Variants in ROBO1 observed in about 807,000 individuals in gnomAD.
ROBO1 encodes the protein roundabout guidance receptor 1, also known as roundabout homolog 1.
Under a neutral mutation model 195.9 loss-of-function variants are expected in ROBO1, and 149 were observed. That is an observed-to-expected ratio of 0.76 (90% CI 0.67 to 0.87). The LOEUF (loss-of-function observed/expected upper bound fraction) is 0.87. Among genes scored for constraint, ROBO1 ranks in the 40% least tolerant of loss-of-function variants. The pLI is 0.00. For synonymous variants in ROBO1, 816 were observed against 733.2 expected (o/e 1.11, Z -1.82); for missense variants, 1,933 against 2,068.3 (o/e 0.93, Z 1.27).
chr3:78,676,017 T>G (rs1479249319), intron 10 of ROBO1, among the ~76,000 whole-genome samples: 1 of 152,006 alleles, frequency 6.6e-6, no homozygotes, highest in Non-Finnish European at 1.5e-5. Flanking sequence ...TCGAGGTTCA[T>G]GAAAATCCAC....
At chr3:78,995,663 G>A (rs1033802983) in intron 3 of ROBO1, among the ~76,000 whole-genome samples, 3 of 29,454 alleles carry the variant, frequency 1.0e-4, no homozygotes, top group Admixed American at 8.5e-4. Flanking sequence ...TGCTTTGGGA[G>A]GCAGAGACCG....
At chr3:78,655,855 G>T (rs562091376) in intron 18 of ROBO1, among the ~76,000 whole-genome samples, 1 of 151,924 alleles carries the variant, frequency 6.6e-6, no homozygotes, top group Non-Finnish European at 1.5e-5. Flanking sequence ...CTAATATTTC[G>T]CTAGTAATAA....
At chr3:79,652,423 A>G (rs954347579) in intron 1 of ROBO1, among the ~76,000 whole-genome samples, 5 of 152,094 alleles carry the variant, frequency 3.3e-5, no homozygotes, top group Admixed American at 6.6e-5. Context: ...TTAGAATATT[A>G]TGGCACCTAG....
intron 3 of ROBO1, among the ~76,000 whole-genome samples, chr3:79,047,998 T>G (rs763622250): frequency 1.3e-5 from 2 of 152,138 alleles, no homozygotes; most frequent in Non-Finnish European, 2.9e-5. Context: ...CTGGAGTCTT[T>G]GGTCTATCCT....
At chr3:78,964,365 C>T (rs2041564273) in intron 3 of ROBO1, among the ~76,000 whole-genome samples, 1 of 152,006 alleles carries the variant, frequency 6.6e-6, no homozygotes, top group Non-Finnish European at 1.5e-5. Flanking sequence ...GTATGGAAAA[C>T]GTGTCTCAAA....
At chr3:79,600,072 A>G (rs965507850) in intron 1 of ROBO1, among the ~76,000 whole-genome samples, 2 of 152,026 alleles carry the variant, frequency 1.3e-5, no homozygotes, top group Non-Finnish European at 2.9e-5. Context: ...CTGTGCTTAC[A>G]CTAGCTCAGT....
intron 3 of ROBO1, among the ~76,000 whole-genome samples, chr3:79,002,290 T>C (rs936021415): frequency 2.6e-5 from 4 of 152,136 alleles, no homozygotes; most frequent in Non-Finnish European, 4.4e-5. Context: ...TCATGGAACC[T>C]ACACCTCTCC....
intron 1 of ROBO1, among the ~76,000 whole-genome samples, chr3:79,609,755 C>G (rs758979247): frequency 6.6e-6 from 1 of 151,312 alleles, no homozygotes; most frequent in Non-Finnish European, 1.5e-5. Flanking sequence ...GGTCACAAAA[C>G]GACAAATACT....
intron 4 of ROBO1, among the ~76,000 whole-genome samples, chr3:78,900,748 C>CA (rs1168044309): frequency 8.6e-5 from 13 of 151,192 alleles, no homozygotes; most frequent in East Asian, 3.9e-4. Flanking sequence ...ATCTTTAAAA[C>CA]AAAAAAATAT....
chr3:78,860,783 T>C (rs1480373498), intron 4 of ROBO1, among the ~76,000 whole-genome samples: 1 of 152,068 alleles, frequency 6.6e-6, no homozygotes, highest in Non-Finnish European at 1.5e-5. Flanking sequence ...CTGCACTCAC[T>C]CCAGCAAATG....
chr3:79,082,320 A>G (rs973264541), intron 3 of ROBO1, among the ~76,000 whole-genome samples: 1 of 152,126 alleles, frequency 6.6e-6, no homozygotes, highest in Admixed American at 6.6e-5. Flanking sequence ...TATTGTCTAT[A>G]CTTATTATGC....
intron 2 of ROBO1, among the ~76,000 whole-genome samples, chr3:79,137,059 C>T (rs932281717): frequency 1.3e-5 from 2 of 152,012 alleles, no homozygotes; most frequent in East Asian, 3.9e-4. Context: ...TCCAATGTTG[C>T]TGCTATAAGA....
In ROBO1 at chr3:78,597,828, A is replaced by G. The variant is rs1702921359; in HGVS notation, c.*1085T>C. On this transcript the variant is annotated 3_prime_UTR_variant, in exon 31 of 31. Coordinates refer to ENST00000464233, the MANE Select transcript of ROBO1 (RefSeq NM_002941.4). Reference sequence around the variant, plus strand: ...TCATTATTCAAATATTCCAAATACAAACATAGAGCATTAACAAAACAGGTT... The same window carrying G: ...TCATTATTCAAATATTCCAAATACAGACATAGAGCATTAACAAAACAGGTT... 6.6e-6 allele frequency: 1 copy of G among 152,488 alleles called. No individual in the cohort carries two copies. The highest frequency in any genetic ancestry group is 1.5e-5 in the Non-Finnish European group (1 of 68,000). 9.4% of individuals were successfully genotyped at this position (152,488 alleles called of 1,614,324 possible).
intron 28 of ROBO1, among the ~76,000 whole-genome samples, chr3:78,608,053 A>G (rs939377319): frequency 1.3e-5 from 2 of 150,922 alleles, no homozygotes; most frequent in African/African-American, 2.4e-5. Context: ...ACACACAGTT[A>G]CTTCTAGTTG....
chr3:79,265,753 T>A (rs923993037), intron 2 of ROBO1, among the ~76,000 whole-genome samples: 1 of 151,552 alleles, frequency 6.6e-6, no homozygotes, highest in Admixed American at 6.6e-5. Flanking sequence ...GATGTTACTA[T>A]AAATGTTACC....
intron 2 of ROBO1, among the ~76,000 whole-genome samples, chr3:79,530,755 CCA>C (rs59568172): frequency 0.27 from 33,891 of 127,570 alleles, 4,510 homozygotes; most frequent in Non-Finnish European, 0.33. Flanking sequence ...CACCTTGTAA[CCA>C]CACACACACA....
intron 1 of ROBO1, among the ~76,000 whole-genome samples, chr3:79,680,163 A>G (rs775448743): frequency 6.6e-6 from 1 of 152,044 alleles, no homozygotes; most frequent in Non-Finnish European, 1.5e-5. Context: ...GGAAAGAGAT[A>G]TCTGAGTATC....
At chr3:79,547,282 T>C (rs1942307436) in intron 2 of ROBO1, among the ~76,000 whole-genome samples, 2 of 150,980 alleles carry the variant, frequency 1.3e-5, no homozygotes, top group Non-Finnish European at 2.9e-5. Flanking sequence ...CAGTTGATTA[T>C]GGCAGATATT....
intron 1 of ROBO1, among the ~76,000 whole-genome samples, chr3:79,699,329 C>A (rs544618932): frequency 1.3e-5 from 2 of 151,324 alleles, no homozygotes; most frequent in East Asian, 1.9e-4. Flanking sequence ...ACAGGGAGCG[C>A]CCCCTACATG....
Sources: allele counts gnomAD v4.1 joint callset (sites outside exome capture counted in the v4.1 genomes callset), GRCh38; gene constraint gnomAD v4.1.1; transcripts MANE v1.5; gene names NCBI Gene and HGNC (gene_info 2026-07-23, HGNC 2026-07-21).